Variants in EP300 observed in about 807,000 individuals in gnomAD.
The protein encoded by EP300 is histone acetyltransferase p300.
Under a neutral mutation model 264.0 loss-of-function variants are expected in EP300, and 31 were observed. That is an observed-to-expected ratio of 0.12 (90% CI 0.09 to 0.16). The LOEUF is 0.16. EP300 is among the 10% of genes least tolerant of loss of function. The pLI is 1.00. For synonymous variants in EP300, 1,340 were observed against 1,045.4 expected (o/e 1.28, Z -5.44); for missense variants, 2,766 against 3,052.9 (o/e 0.91, Z 2.21).
chr22:41,141,286 G>T (rs538340097), intron 10 of EP300, 64 bp downstream of exon 10: 8 of 1,545,246 alleles, frequency 5.2e-6, no homozygotes, highest in Non-Finnish European at 7.1e-6. Context: ...TCTATCTAAA[G>T]TCATTAATTT....
chr22:41,127,091 T>C (rs1243846806), intron 3 of EP300, among the ~76,000 whole-genome samples: 4 of 152,136 alleles, frequency 2.6e-5, no homozygotes, highest in African/African-American at 7.2e-5. Flanking sequence ...TCCCAGAGTT[T>C]AGAAAAACTA....
Position 41,140,269 on chromosome 22 carries a change from G to A in EP300, c.1878+12G>A. ...CTGCAAACAATCGAGTGAGTGTCTGGTTTTTTTCTATTAATAGCCAAGATT... is the reference window on the plus strand; with the variant it reads ...CTGCAAACAATCGAGTGAGTGTCTGATTTTTTTCTATTAATAGCCAAGATT... On this transcript the variant is annotated intron_variant, in intron 9 of 30. Transcript: ENST00000263253. 1 of 1,559,548 alleles carries A rather than the reference G, an allele frequency of 6.4e-7. No homozygotes were observed. Among genetic ancestry groups the A allele is most frequent in the Admixed American group, 1.7e-5 (1 of 59,954 alleles).
rs1467627177 is a variant in EP300, at chr22:41,092,980, G to A, written c.-25G>A. 1 of 1,613,426 alleles carries A rather than the reference G, an allele frequency of 6.2e-7. No individual in the cohort carries two copies. The highest frequency in any genetic ancestry group is 1.1e-5 in the South Asian group (1 of 91,068). ...TTTCCTGAGGATTCTGGTTTTCCTC[G>A]CTTGTATCTCCGAAAGAATTAAAAA... On this transcript the variant is annotated 5_prime_UTR_variant, in exon 1 of 31. Coordinates refer to ENST00000263253, the MANE Select transcript of EP300 (RefSeq NM_001429.4).
At chr22:41,131,780 C>G (rs2058921314) in intron 6 of EP300, 147 bp downstream of exon 6, 1 of 1,184,026 alleles carries the variant, frequency 8.4e-7, no homozygotes, top group Non-Finnish European at 1.2e-6. Context: ...AGGTCCCTTA[C>G]AGTTCATCTA....
rs767256506 is a variant in EP300, at chr22:41,177,601, C to G, written c.5890C>G (p.Pro1964Ala). 1 of 1,614,152 alleles carries G rather than the reference C, an allele frequency of 6.2e-7. No individual in the cohort carries two copies. Among genetic ancestry groups the G allele is most frequent in the Non-Finnish European group, 8.5e-7 (1 of 1,180,036 alleles). Residue 1964 changes from proline to alanine, a missense_variant, in exon 31 of 31, where the codon CCC becomes GCC. Pro to Ala is a conservative substitution (Grantham distance 27, BLOSUM62 -1). Transcript: ENST00000263253. ...GATGCCCCCGATGACTCCCATGGCC[C>G]CCATGGGTATGAACCCACCTCCCAT... ...HQMPPMTPMA[P>A]MGMNPPPMTR...
chr22:41,161,625 TAAAAGAAA>T lies in EP300; in HGVS notation c.3671+915_3671+922del, dbSNP rs539416792. On this transcript the variant is annotated intron_variant, in intron 20 of 30. Transcript: ENST00000263253. ...GAGCGAGAGTCTGTCTCAAAATAAATAAAAGAAAAAAAGAAAAAAGTAACTTAAGATGT... is the reference window on the plus strand; with the variant it reads ...GAGCGAGAGTCTGTCTCAAAATAAATAAAAGAAAAAAGTAACTTAAGATGT... Among the ~76,000 whole-genome samples, 20 of 151,204 alleles carry T rather than the reference TAAAAGAAA, an allele frequency of 1.3e-4. No homozygotes were observed. The South Asian group carries it at 1.5e-3, about 11-fold the overall frequency.
intron 10 of EP300, among the ~76,000 whole-genome samples, chr22:41,142,704 T>G (rs1466301194): frequency 2.0e-5 from 3 of 151,924 alleles, no homozygotes; most frequent in Non-Finnish European, 4.4e-5. Flanking sequence ...GCTAACACGG[T>G]GAAACCCCAT....
At position 41,158,483 on chromosome 22, in the gene EP300, T is replaced by C. The variant is rs565779970; in HGVS notation, c.3573T>C (p.Tyr1191=). Residue 1191 remains tyrosine (Y), a synonymous_variant, in exon 19 of 31, where the codon TAT becomes TAC. Transcript: ENST00000263253. Reference sequence around the variant, plus strand: ...GCACAATACCTCGTGATGCCACTTATTACAGTTACCAGAACAGGTAAGCTT... The same window carrying C: ...GCACAATACCTCGTGATGCCACTTACTACAGTTACCAGAACAGGTAAGCTT... ...QLCTIPRDAT[Y]YSYQNRYHFC... is the part of the protein sequence containing the mutation. The C allele has an allele frequency of 1.8e-5, 29 of 1,614,152 alleles. No individual in the cohort carries two copies. Among genetic ancestry groups the C allele is most frequent in the Middle Eastern group, 1.6e-4 (1 of 6,062 alleles).
At chr22:41,161,485 T>C (rs969197002) in intron 20 of EP300, among the ~76,000 whole-genome samples, 10 of 152,038 alleles carry the variant, frequency 6.6e-5, no homozygotes, top group Admixed American at 4.6e-4. Flanking sequence ...GGCATGGTGG[T>C]GGGCGCCTGT....
chr22:41,131,768 A>C, intron 6 of EP300, 135 bp downstream of exon 6: 1 of 1,315,034 alleles, frequency 7.6e-7, no homozygotes, highest in Non-Finnish European at 1.1e-6. Context: ...TTACAGTGTA[A>C]AAGGTCCCTT....
rs776195688 is a variant in EP300 at position 41,149,801 on chromosome 22, T to C, written c.2420T>C (p.Ile807Thr). 1 of 1,614,136 alleles carries C rather than the reference T, an allele frequency of 6.2e-7. No individual in the cohort carries two copies. The highest frequency in any genetic ancestry group is 1.1e-5 in the South Asian group (1 of 91,076). The part of the protein sequence containing the change: ...SSSSCPVNSP[I>T]MPPGSQGSHI... ...TCTTCCTGCCCGGTGAACTCTCCTATAATGCCTCCAGGGTCTCAGGGGAGC... is the reference window on the plus strand; with the variant it reads ...TCTTCCTGCCCGGTGAACTCTCCTACAATGCCTCCAGGGTCTCAGGGGAGC... The change falls in exon 14 of 31, where the codon ATA becomes ACA. Residue 807 changes from isoleucine (I) to threonine (T), a missense_variant. Coordinates refer to ENST00000263253, the MANE Select transcript of EP300 (RefSeq NM_001429.4).
intron 3 of EP300, among the ~76,000 whole-genome samples, chr22:41,127,268 A>G (rs995872893): frequency 1.3e-5 from 2 of 151,900 alleles, no homozygotes; most frequent in African/African-American, 4.8e-5. Context: ...TCTGTGTATT[A>G]TACATACTTA....
At chr22:41,122,311 G>A (rs2058857403) in intron 2 of EP300, among the ~76,000 whole-genome samples, 4 of 151,922 alleles carry the variant, frequency 2.6e-5, no homozygotes, top group Admixed American at 2.6e-4. Context: ...GATTGCAGGT[G>A]TGTGCTACCA....
intron 19 of EP300, chr22:41,159,310 CA>C (rs757669523): frequency 4.6e-5 from 7 of 152,204 alleles, no homozygotes; most frequent in Non-Finnish European, 7.4e-5. Context: ...TTGTGTGTTG[CA>C]GATGCATTTC....
chr22:41,092,888 C>G lies in EP300; in HGVS notation c.-117C>G. The G allele has an allele frequency of 9.2e-7, 1 of 1,085,060 alleles. No homozygotes were observed. Among genetic ancestry groups the G allele is most frequent in the Non-Finnish European group, 1.4e-6 (1 of 699,914 alleles). 67.2% of individuals were successfully genotyped at this position (1,085,060 alleles called of 1,614,324 possible). On this transcript the variant is annotated 5_prime_UTR_variant, in exon 1 of 31. Coordinates refer to ENST00000263253, the MANE Select transcript of EP300 (RefSeq NM_001429.4). The stretch of plus-strand genomic sequence containing the variant: ...GAAAAAGGAACTTCCCCCACCCCCT[C>G]GGGTGCCGTCGGAGCCCCCCAGCCC...
intron 29 of EP300, among the ~76,000 whole-genome samples, chr22:41,175,344 T>G (rs2059194169): frequency 1.3e-5 from 2 of 152,210 alleles, no homozygotes; most frequent in Non-Finnish European, 2.9e-5. Context: ...TCTCACAAGT[T>G]CCTAATTTCT....
chr22:41,119,458 C>T (rs1469711249), intron 2 of EP300, among the ~76,000 whole-genome samples: 2 of 151,936 alleles, frequency 1.3e-5, no homozygotes, highest in Non-Finnish European at 2.9e-5. Context: ...TCCTTGCCAC[C>T]GATGTTTATA....
intron 20 of EP300, 112 bp from the exon 21 acceptor site, chr22:41,162,611 C>A: frequency 2.5e-6 from 2 of 811,230 alleles, no homozygotes; most frequent in Middle Eastern, 3.3e-4. Flanking sequence ...AATGTGTATT[C>A]TTAAAAAACC....
rs760887361 is a variant in EP300 at position 41,162,764 on chromosome 22, C to T, written c.3713C>T (p.Thr1238Ile). The T allele has an allele frequency of 6.2e-7, 1 of 1,612,852 alleles. No individual in the cohort carries two copies. The highest frequency in any genetic ancestry group is 8.5e-7 in the Non-Finnish European group (1 of 1,178,918). ...KEQFSKRKND[T>I]LDPELFVECT... Reference sequence around the variant, plus strand: ...CAATTTTCCAAGAGAAAAAATGACACACTGGATCCTGAACTGTAAGTACGA... The same window carrying T: ...CAATTTTCCAAGAGAAAAAATGACATACTGGATCCTGAACTGTAAGTACGA... The change falls in exon 21 of 31, where the codon ACA (threonine) becomes ATA (isoleucine). Residue 1238 changes from threonine to isoleucine, a missense_variant. Physicochemically the swap from Thr to Ile is moderately conservative, Grantham distance 89 (BLOSUM62 -1). Transcript: ENST00000263253.
Sources: allele counts gnomAD v4.1 joint callset (sites outside exome capture counted in the v4.1 genomes callset), GRCh38; gene constraint gnomAD v4.1.1; transcripts MANE v1.5; gene names NCBI Gene and HGNC (gene_info 2026-07-23, HGNC 2026-07-21).